The following SEPTIN9 variants were observed in gnomAD, a reference collection of about 807,000 sequenced individuals.
SEPTIN9 encodes septin-9.
SEPTIN9 carries 13 observed loss-of-function variants against 56.6 expected under a neutral mutation model. That is an observed-to-expected ratio of 0.23 (90% CI 0.15 to 0.37). SEPTIN9 has a LOEUF of 0.37. Among genes scored for constraint, SEPTIN9 ranks in the 10% least tolerant of loss-of-function variants. SEPTIN9 has a pLI of 1.00. For missense variants in SEPTIN9, 650 were observed against 823.1 expected, an observed-to-expected ratio of 0.79 and a Z score of 2.57; for synonymous variants, 332 against 334.1, an observed-to-expected ratio of 0.99 and a Z score of 0.07.
intron 10 of SEPTIN9, chr17:77,493,324 G>A: frequency 1.9e-6 from 1 of 533,306 alleles, no homozygotes; most frequent in East Asian, 3.3e-5. Context: ...ACAGGAGCTG[G>A]GATGGGGGCC....
At chr17:77,431,697 G>A (rs1163856009) in intron 3 of SEPTIN9, among the ~76,000 whole-genome samples, 1 of 152,088 alleles carries the variant, frequency 6.6e-6, no homozygotes, top group Non-Finnish European at 1.5e-5. Flanking sequence ...TGGTGTGGTG[G>A]CACATGCCTG....
rs867954428 is a variant in SEPTIN9 at position 77,320,497 on chromosome 17, G to A, written c.76+13300G>A. Reference sequence around the variant, plus strand: ...TTCTTTTTGACGGTTCCAAGCTCGTGGGATGAACTCCGTCTCAGAAGCTAA... The same window carrying A: ...TTCTTTTTGACGGTTCCAAGCTCGTAGGATGAACTCCGTCTCAGAAGCTAA... On this transcript the variant is annotated intron_variant, in intron 2 of 11. Transcript: ENST00000427177. 1.7e-5 allele frequency: 13 copies of A among 749,364 alleles called. No individual in the cohort carries two copies. In the Middle Eastern group the frequency reaches 3.2e-3, roughly 182 times the overall value. 46.4% of individuals were successfully genotyped at this position (749,364 alleles called of 1,614,324 possible). A position where few individuals can be genotyped will look rare whatever the true frequency, so the allele number is the denominator to read the frequency against.
intron 2 of SEPTIN9, among the ~76,000 whole-genome samples, chr17:77,361,619 GTTTTC>G (rs949020564): frequency 7.9e-5 from 12 of 152,008 alleles, no homozygotes; most frequent in Middle Eastern, 3.4e-3. Context: ...CGAGTGGTCA[GTTTTC>G]TTTTCTTTTC....
intron 2 of SEPTIN9, among the ~76,000 whole-genome samples, chr17:77,339,868 T>C (rs1157904024): frequency 6.6e-6 from 1 of 150,480 alleles, no homozygotes; most frequent in Middle Eastern, 3.3e-3. Context: ...CTTTGTTGCC[T>C]AGACTGGAGT....
chr17:77,455,888 C>G (rs1338388201), intron 3 of SEPTIN9, among the ~76,000 whole-genome samples: 1 of 152,198 alleles, frequency 6.6e-6, no homozygotes, highest in Non-Finnish European at 1.5e-5. Flanking sequence ...TCCCTGCACG[C>G]TCCGCACAAG....
At chr17:77,295,624 A>T (rs562889259) in intron 1 of SEPTIN9, among the ~76,000 whole-genome samples, 55 of 152,264 alleles carry the variant, frequency 3.6e-4, no homozygotes, top group African/African-American at 1.3e-3. Flanking sequence ...AAAGGAGGGC[A>T]CAAGAAGTGG....
At chr17:77,343,003 G>GTCTGTCTATCTT (rs71160228) in intron 2 of SEPTIN9, among the ~76,000 whole-genome samples, 1 of 147,142 alleles carries the variant, frequency 6.8e-6, no homozygotes, top group African/African-American at 2.6e-5. Flanking sequence ...CTGTCTGTCT[G>GTCTGTCTATCTT]TCTATCTATC....
chr17:77,333,523 G>C (rs1292131517), intron 2 of SEPTIN9, among the ~76,000 whole-genome samples: 1 of 152,042 alleles, frequency 6.6e-6, no homozygotes, highest in African/African-American at 2.4e-5. Context: ...CACCATGCCC[G>C]GCCTGTTCAT....
chr17:77,482,131 G>A lies in SEPTIN9; in HGVS notation c.722-13G>A. 2 of 1,553,294 alleles carry A rather than the reference G, an allele frequency of 1.3e-6. No homozygotes were observed. The highest frequency in any genetic ancestry group is 1.7e-6 in the Non-Finnish European group (2 of 1,149,910). On this transcript the variant is annotated splice_polypyrimidine_tract_variant and intron_variant, in intron 3 of 11. Coordinates refer to ENST00000427177, the MANE Select transcript of SEPTIN9 (RefSeq NM_001113491.2). ...CCTGTTCCGCTCTAACTCCTCTGCT[G>A]TTCCTTCCCCAGCCACTGAGGCGGC...
chr17:77,362,282 CAG>C (rs2034443094), intron 2 of SEPTIN9, among the ~76,000 whole-genome samples: 1 of 152,236 alleles, frequency 6.6e-6, no homozygotes, highest in Non-Finnish European at 1.5e-5. Flanking sequence ...GGACAAGCCA[CAG>C]AGACTCAGAC....
chr17:77,372,724 G>A (rs1184930637), intron 2 of SEPTIN9, among the ~76,000 whole-genome samples: 9 of 151,994 alleles, frequency 5.9e-5, no homozygotes, highest in Admixed American at 1.3e-4. Flanking sequence ...CCCCCGGGGC[G>A]GTGGTCGTGG....
At chr17:77,335,776 A>G (rs1425465193) in intron 2 of SEPTIN9, among the ~76,000 whole-genome samples, 2 of 50,004 alleles carry the variant, frequency 4.0e-5, no homozygotes, top group South Asian at 6.1e-4. Flanking sequence ...ACATATATAC[A>G]TGTAGGCCCT....
At chr17:77,412,724 TAA>T (rs919702517) in intron 3 of SEPTIN9, among the ~76,000 whole-genome samples, 1 of 143,234 alleles carries the variant, frequency 7.0e-6, no homozygotes, top group African/African-American at 2.6e-5. Context: ...AGATCCTGTC[TAA>T]AAAAAAAAAA....
rs77568170 is a variant in SEPTIN9 at position 77,474,686 on chromosome 17, C to G, written c.722-7458C>G. Among the ~76,000 whole-genome samples the G allele has an allele frequency of 9.7e-3, 1,482 of 152,298 alleles. 19 individuals are homozygous for G. Among genetic ancestry groups the G allele is most frequent in the South Asian group, 0.031 (150 of 4,824 alleles). Reference sequence around the variant, plus strand: ...AGACCTGGCCTGGGGAGGGGGTCAGCAGCCTGGGGCTCACCTACCTGGCTT... The same window carrying G: ...AGACCTGGCCTGGGGAGGGGGTCAGGAGCCTGGGGCTCACCTACCTGGCTT... On this transcript the variant is annotated intron_variant, in intron 3 of 11. Transcript: ENST00000427177.
intron 3 of SEPTIN9, among the ~76,000 whole-genome samples, chr17:77,470,552 A>T (rs1248659167): frequency 6.6e-6 from 1 of 152,098 alleles, no homozygotes; most frequent in Non-Finnish European, 1.5e-5. Context: ...CAATTCACTC[A>T]TCCACCTATC....
Position 77,327,652 on chromosome 17 carries a change from G to A in SEPTIN9, c.76+20455G>A, listed in dbSNP as rs1382793567. On this transcript the variant is annotated intron_variant, in intron 2 of 11. Coordinates refer to ENST00000427177, the MANE Select transcript of SEPTIN9 (RefSeq NM_001113491.2). The surrounding 1 kb of genome is among the most constrained non-coding windows in gnomAD (Gnocchi z 5.0). ...GGCTCCAGGCTACGCCTTGAAATTGGGACAGAGAGTGGCGCAGATCTCAGC... is the reference window on the plus strand; with the variant it reads ...GGCTCCAGGCTACGCCTTGAAATTGAGACAGAGAGTGGCGCAGATCTCAGC... Among the ~76,000 whole-genome samples, 1 of 152,204 alleles carries A rather than the reference G, an allele frequency of 6.6e-6. No individual in the cohort carries two copies. Among genetic ancestry groups the A allele is most frequent in the South Asian group, 2.1e-4 (1 of 4,828 alleles).
At chr17:77,397,216 C>T (rs544240948) in intron 2 of SEPTIN9, among the ~76,000 whole-genome samples, 31 of 152,324 alleles carry the variant, frequency 2.0e-4, no homozygotes, top group Non-Finnish European at 2.9e-4. Context: ...ACACTCCCTC[C>T]GACAGCTCGA....
intron 10 of SEPTIN9, among the ~76,000 whole-genome samples, chr17:77,493,502 C>T (rs1038843015): frequency 6.6e-6 from 1 of 152,166 alleles, no homozygotes; most frequent in East Asian, 1.9e-4. Context: ...ACACCTTAGT[C>T]TCTTGAGTGG....
rs759789127 is a variant in SEPTIN9 at position 77,307,174 on chromosome 17, G to C, written c.53G>C (p.Arg18Thr). ...CGGACCTCCAGTGGCCGGCTCCGGA[G>C]GCTTGGTGACTCCAGTGGCCCAGGT... The part of the protein sequence containing the change: ...GTRTSSGRLR[R>T]LGDSSGPALK... The change falls in exon 2 of 12, where the codon AGG becomes ACG. Residue 18 changes from arginine (R) to threonine (T), a missense_variant. Arg to Thr is a moderately conservative substitution (Grantham distance 71). Coordinates refer to ENST00000427177, the MANE Select transcript of SEPTIN9 (RefSeq NM_001113491.2). The C allele has an allele frequency of 3.3e-5, 53 of 1,613,776 alleles. No individual in the cohort carries two copies. The highest frequency in any genetic ancestry group is 3.7e-5 in the Non-Finnish European group (44 of 1,179,880).
Sources: allele counts gnomAD v4.1 joint callset (sites outside exome capture counted in the v4.1 genomes callset), GRCh38; gene constraint gnomAD v4.1.1; non-coding constraint Gnocchi (gnomAD v3.1); transcripts MANE v1.5; gene names NCBI Gene and HGNC (gene_info 2026-07-23, HGNC 2026-07-21).